The following DNM3 variants were observed in gnomAD, a reference collection of about 807,000 sequenced individuals.
DNM3 encodes the protein dynamin 3.
A neutral mutation model predicts 101.6 loss-of-function variants in DNM3; 47 were observed. That is an observed-to-expected ratio of 0.46 (90% confidence interval 0.37 to 0.59). The LOEUF is 0.59. DNM3 is among the 20% of genes least tolerant of loss of function. DNM3 has a pLI of 0.00. For synonymous variants in DNM3, 385 were observed against 387.9 expected (o/e 0.99, Z 0.09); for missense variants, 849 against 1,085.7 (o/e 0.78, Z 3.06).
chr1:172,185,111 G>A (rs1259767064), intron 14 of DNM3, among the ~76,000 whole-genome samples: 1 of 152,076 alleles, frequency 6.6e-6, no homozygotes, highest in Non-Finnish European at 1.5e-5. Context: ...AGTAGGTTTT[G>A]CTCTTTGCCT....
intron 15 of DNM3, among the ~76,000 whole-genome samples, chr1:172,302,213 A>G (rs2064493484): frequency 6.6e-6 from 1 of 152,198 alleles, no homozygotes; most frequent in Non-Finnish European, 1.5e-5. Context: ...ACACCAGGAG[A>G]TTATATCCCA....
At chr1:172,063,304 A>G (rs895595719) in intron 10 of DNM3, among the ~76,000 whole-genome samples, 1 of 152,034 alleles carries the variant, frequency 6.6e-6, no homozygotes, top group African/African-American at 2.4e-5. Context: ...TTATGGTCTG[A>G]TAAACTGTTA....
At chr1:171,990,613 C>T (rs531179172) in intron 4 of DNM3, among the ~76,000 whole-genome samples, 1 of 152,094 alleles carries the variant, frequency 6.6e-6, no homozygotes, top group Non-Finnish European at 1.5e-5. Flanking sequence ...CTGGTTCAAC[C>T]TCTTTTGAAG....
At chr1:172,135,228 T>A (rs1266971415) in intron 14 of DNM3, among the ~76,000 whole-genome samples, 2 of 152,140 alleles carry the variant, frequency 1.3e-5, no homozygotes, top group Non-Finnish European at 2.9e-5. Context: ...ACTGTAAGCC[T>A]CTTGAGACCA....
intron 2 of DNM3, among the ~76,000 whole-genome samples, chr1:171,930,906 C>T (rs182638130): frequency 2.0e-4 from 30 of 152,142 alleles, no homozygotes; most frequent in Middle Eastern, 3.4e-3. Context: ...AATCCAAAAA[C>T]GAAGTTAAGA....
intron 17 of DNM3, among the ~76,000 whole-genome samples, chr1:172,372,619 A>G (rs191594201): frequency 1.3e-5 from 2 of 150,692 alleles, no homozygotes; most frequent in East Asian, 2.0e-4. Context: ...AGATAATGTT[A>G]CCATATCACT....
rs1013211134 is a variant in DNM3 at position 172,197,104 on chromosome 1, C to T, written c.1660-56469C>T. On this transcript the variant is annotated intron_variant, in intron 14 of 20. Transcript: ENST00000627582. ...TTTGTATATGGTGTAAGGAAGGGGT[C>T]CAGCTTCAGTCTTCTGCATATGGCT... Among the ~76,000 whole-genome samples, 3 of 152,088 alleles carry T rather than the reference C, an allele frequency of 2.0e-5. No homozygotes were observed. The South Asian group carries it at 6.2e-4, about 32-fold the overall frequency.
chr1:172,138,613 A>G, intron 14 of DNM3: 1 of 210,304 alleles, frequency 4.8e-6, no homozygotes, highest in Non-Finnish European at 9.9e-6. Context: ...ATTATATTTC[A>G]TAGGCACCAC....
intron 1 of DNM3, among the ~76,000 whole-genome samples, chr1:171,905,591 G>A (rs1183456517): frequency 1.3e-5 from 2 of 152,136 alleles, no homozygotes; most frequent in Non-Finnish European, 2.9e-5. Context: ...GGTATATGTG[G>A]TGGGGAGGAA....
chr1:171,971,924 C>G (rs2044023111), intron 2 of DNM3, among the ~76,000 whole-genome samples: 1 of 152,120 alleles, frequency 6.6e-6, no homozygotes, highest in South Asian at 2.1e-4. Flanking sequence ...AGATCTGCTT[C>G]TAAAAGGAAA....
chr1:172,389,059 A>C, intron 20 of DNM3: 1 of 516,516 alleles, frequency 1.9e-6, no homozygotes, highest in Non-Finnish European at 3.5e-6. Context: ...CTCCGTCCCA[A>C]TGAATGACAT....
At chr1:171,903,876 A>G (rs953978801) in intron 1 of DNM3, among the ~76,000 whole-genome samples, 1 of 152,244 alleles carries the variant, frequency 6.6e-6, no homozygotes, top group Non-Finnish European at 1.5e-5. Context: ...ATTATAGCCA[A>G]GATAATCACA....
chr1:171,937,100 G>A (rs1051699549), intron 2 of DNM3, among the ~76,000 whole-genome samples: 2 of 152,190 alleles, frequency 1.3e-5, no homozygotes, highest in African/African-American at 4.8e-5. Context: ...TCAAGGACTT[G>A]TTCTCTAGTT....
intron 15 of DNM3, among the ~76,000 whole-genome samples, chr1:172,295,965 A>G (rs2064144617): frequency 6.6e-6 from 1 of 152,240 alleles, no homozygotes; most frequent in African/African-American, 2.4e-5. Context: ...ATATTTTTGT[A>G]ATGAAATCAG....
At chr1:172,017,998 C>T (rs962815738) in intron 4 of DNM3, among the ~76,000 whole-genome samples, 6 of 152,018 alleles carry the variant, frequency 3.9e-5, no homozygotes, top group South Asian at 4.1e-4. Flanking sequence ...TCTATTCTGT[C>T]GGATGTTAAT....
chr1:172,355,608 A>G (rs1573583153), intron 17 of DNM3, among the ~76,000 whole-genome samples: 2 of 152,068 alleles, frequency 1.3e-5, no homozygotes, highest in African/African-American at 4.8e-5. Flanking sequence ...TTGGTAGTCA[A>G]TTTTAAGCTA....
chr1:172,127,523 C>T (rs1302466362), intron 13 of DNM3, among the ~76,000 whole-genome samples: 1 of 151,492 alleles, frequency 6.6e-6, no homozygotes, highest in African/African-American at 2.4e-5. Flanking sequence ...ATTCTCCTAC[C>T]TCAGCCTCCC....
chr1:172,185,228 A>C (rs759262654), intron 14 of DNM3, among the ~76,000 whole-genome samples: 1 of 152,096 alleles, frequency 6.6e-6, no homozygotes, highest in African/African-American at 2.4e-5. Context: ...AGGCCCCTTC[A>C]GTGTGTGAAT....
At chr1:172,157,969 C>T (rs565767744) in intron 14 of DNM3, among the ~76,000 whole-genome samples, 2 of 151,954 alleles carry the variant, frequency 1.3e-5, no homozygotes, top group Admixed American at 6.6e-5. Context: ...ATTCTAGGCA[C>T]TGGGGATACA....
Sources: gnomAD v4.1 joint callset for allele counts (sites outside exome capture counted in the v4.1 genomes callset) on GRCh38, gnomAD v4.1.1 for gene constraint, MANE v1.5 for transcripts, NCBI Gene and HGNC (gene_info 2026-07-23, HGNC 2026-07-21) for gene names.